ALDH4A1: variants seen among roughly 807,000 people sequenced by gnomAD.
The protein encoded by ALDH4A1 is delta-1-pyrroline-5-carboxylate dehydrogenase, mitochondrial.
A neutral mutation model predicts 70.5 loss-of-function variants in ALDH4A1; 46 were observed. That is an observed-to-expected ratio of 0.65 (90% CI 0.51 to 0.83). The LOEUF (loss-of-function observed/expected upper bound fraction) is 0.83. Among genes scored for constraint, ALDH4A1 ranks in the 40% least tolerant of loss-of-function variants. The pLI, the probability that ALDH4A1 is intolerant of heterozygous loss-of-function variation, is 0.00. For synonymous variants in ALDH4A1, 323 were observed against 324.3 expected (o/e 1.00, Z 0.04); for missense variants, 749 against 766.5 (o/e 0.98, Z 0.27).
chr1:18,886,463 C>T lies in ALDH4A1; in HGVS notation c.297+1G>A. 1 of 1,614,164 alleles carries T rather than the reference C, an allele frequency of 6.2e-7. No individual in the cohort carries two copies. The highest frequency in any genetic ancestry group is 1.7e-5 in the Admixed American group (1 of 60,026). On this transcript the variant is annotated splice_donor_variant, in intron 4 of 14. Transcript: ENST00000375341. LOFTEE classifies it high-confidence loss of function. ...GTCACCAGGCACACAGGCTCACTCACCTTGTCTGCATAACAGAACTTGGCC... is the reference window on the plus strand; with the variant it reads ...GTCACCAGGCACACAGGCTCACTCATCTTGTCTGCATAACAGAACTTGGCC...
Position 18,881,710 on chromosome 1 carries a change from C to T in ALDH4A1, c.856G>A (p.Gly286Ser). The T allele has an allele frequency of 3.1e-6, 5 of 1,614,106 alleles. No homozygotes were observed. Among genetic ancestry groups the T allele is most frequent in the Non-Finnish European group, 4.2e-6 (5 of 1,180,034 alleles). ...SEHLCGINFT[G>S]SVPTFKHLWK... ...TCCCCAGGGACTTACGGCACACTGC[C>T]TGTGAAGTTGATGCCACAGAGGTGC... The change falls in exon 8 of 15, where the codon GGC becomes AGC. Residue 286 changes from glycine (G) to serine (S), a missense_variant. Coordinates refer to ENST00000375341, the MANE Select transcript of ALDH4A1 (RefSeq NM_003748.4).
At chr1:18,894,163 C>G (rs1935536842) in intron 1 of ALDH4A1, among the ~76,000 whole-genome samples, 1 of 152,184 alleles carries the variant, frequency 6.6e-6, no homozygotes, top group Non-Finnish European at 1.5e-5. Context: ...TCCCAGATGC[C>G]CCCAAAAATC....
chr1:18,899,696 C>T (rs547441394), intron 1 of ALDH4A1, among the ~76,000 whole-genome samples: 1 of 152,292 alleles, frequency 6.6e-6, no homozygotes, highest in East Asian at 1.9e-4. Flanking sequence ...TCATAGGTTG[C>T]TGAGAGGCTG....
At position 18,883,405 on chromosome 1, in the gene ALDH4A1, C is replaced by A; in HGVS notation, c.477G>T (p.Glu159Asp). The change falls in exon 6 of 15, where the codon GAG (glutamate) becomes GAT (aspartate). Residue 159 changes from glutamate (E) to aspartate (D), a missense_variant. Transcript: ENST00000375341. ...CGATGAGTTCCGCTGCAGCGTCAAT[C>A]TCCGCTTGGATCACGGTCTTACCCT... ...VGQGKTVIQA[E>D]IDAAAELIDF... 1 of 1,613,470 alleles carries A rather than the reference C, an allele frequency of 6.2e-7. No individual in the cohort carries two copies.
At chr1:18,885,431 A>AACCCCCCCCCCCCCCCCCCCCCCCCC in intron 5 of ALDH4A1, 42 bp downstream of exon 5, 2 of 478,976 alleles carry the variant, frequency 4.2e-6, no homozygotes, top group Non-Finnish European at 3.5e-6. Context: ...CCTGACTCCC[A>AACCCCCCCCCCCCCCCCCCCCCCCCC]CCCCACCCCG....
At chr1:18,885,443 C>CCCCCCCCCCCCCGGG in intron 5 of ALDH4A1, 30 bp downstream of exon 5, 1 of 803,766 alleles carries the variant, frequency 1.2e-6, no homozygotes. Flanking sequence ...CCCACCCCGC[C>CCCCCCCCCCCCCGGG]CCACCCACCC....
At position 18,876,729 on chromosome 1, in the gene ALDH4A1, AAC is replaced by A. The variant is rs1187523186; in HGVS notation, c.1186-264_1186-263del. On this transcript the variant is annotated intron_variant, in intron 11 of 14. Coordinates refer to ENST00000375341, the MANE Select transcript of ALDH4A1 (RefSeq NM_003748.4). ...AGTACTACAGGTGCACTCGCATATA[AAC>A]ACAGACACACATCAATCAATGCATA... Among the ~76,000 whole-genome samples the A allele has an allele frequency of 2.8e-5, 4 of 145,074 alleles. No homozygotes were observed. The South Asian group carries it at 6.6e-4, about 24-fold the overall frequency.
chr1:18,897,057 G>A, intron 1 of ALDH4A1: 1 of 534,256 alleles, frequency 1.9e-6, no homozygotes, highest in Non-Finnish European at 3.8e-6. Flanking sequence ...AGCGTATGAG[G>A]AACGCATGAC....
chr1:18,892,970 G>A (rs939689784), intron 1 of ALDH4A1, among the ~76,000 whole-genome samples: 5 of 152,236 alleles, frequency 3.3e-5, no homozygotes, highest in Non-Finnish European at 7.3e-5. Flanking sequence ...CCATCTGGAA[G>A]CTTCTGACAG....
chr1:18,887,245 G>C (rs766448421), intron 3 of ALDH4A1, among the ~76,000 whole-genome samples: 1 of 152,256 alleles, frequency 6.6e-6, no homozygotes, highest in Non-Finnish European at 1.5e-5. Context: ...AGGAGCTCAG[G>C]CCATGAGAAC....
intron 1 of ALDH4A1, 114 bp downstream of exon 1, chr1:18,902,348 G>A (rs1935828087): frequency 2.2e-6 from 2 of 899,730 alleles, no homozygotes; most frequent in African/African-American, 1.8e-5. Flanking sequence ...CGTTGACCGA[G>A]GCAGCTTGGG....
chr1:18,877,721 G>T (rs1261916005), intron 9 of ALDH4A1, 109 bp from the exon 10 acceptor site: 1 of 1,351,150 alleles, frequency 7.4e-7, no homozygotes, highest in Non-Finnish European at 1.0e-6. Flanking sequence ...ACACGAGCAC[G>T]GAGCAGCCCA....
At chr1:18,879,690 C>T (rs896710530) in intron 8 of ALDH4A1, among the ~76,000 whole-genome samples, 5 of 152,172 alleles carry the variant, frequency 3.3e-5, no homozygotes, top group African/African-American at 7.2e-5. Flanking sequence ...CAATCCTGAC[C>T]TGGCAGGGTT....
At chr1:18,891,822 G>T (rs1032023804) in intron 1 of ALDH4A1, among the ~76,000 whole-genome samples, 3 of 152,148 alleles carry the variant, frequency 2.0e-5, no homozygotes, top group African/African-American at 7.2e-5. Context: ...GAGGTCAGGA[G>T]TGTGAGACCA....
chr1:18,885,693 A>T, intron 4 of ALDH4A1, 65 bp from the exon 5 acceptor site: 3 of 1,606,616 alleles, frequency 1.9e-6, no homozygotes, highest in Non-Finnish European at 2.5e-6. Flanking sequence ...GGAGTGAGCG[A>T]GGGAGGAGAG....
At position 18,902,469 on chromosome 1, in the gene ALDH4A1, C is replaced by G. The variant is rs1033354029; in HGVS notation, c.55G>C (p.Gly19Arg). The change falls in exon 1 of 15, where the codon GGG (glycine) becomes CGG (arginine). Residue 19 changes from glycine to arginine, a missense_variant. Gly to Arg is a moderately radical substitution (Grantham distance 125, BLOSUM62 -2). Coordinates refer to ENST00000375341, the MANE Select transcript of ALDH4A1 (RefSeq NM_003748.4). ...RRALLSRPWT[G>R]AGLRWKHTSS... The stretch of plus-strand genomic sequence containing the variant: ...GGCCCCGTGCTCACTCACCCGGCCC[C>G]GGTCCAGGGGCGGGACAGCAGGGCG... 2.1e-6 allele frequency: 3 copies of G among 1,404,832 alleles called. No homozygotes were observed. The highest frequency in any genetic ancestry group is 1.9e-6 in the Non-Finnish European group (2 of 1,078,838). The allele number at this position is 1,404,832 out of a possible 1,614,324, so 87.0% of individuals were successfully genotyped here.
At chr1:18,885,841 CCA>C (rs1322741176) in intron 4 of ALDH4A1, among the ~76,000 whole-genome samples, 1 of 152,214 alleles carries the variant, frequency 6.6e-6, no homozygotes, top group Non-Finnish European at 1.5e-5. Flanking sequence ...AAGGGCCCGG[CCA>C]GGTTGGTCAG....
At chr1:18,887,008 A>G (rs544571225) in intron 3 of ALDH4A1, among the ~76,000 whole-genome samples, 99 of 152,340 alleles carry the variant, frequency 6.5e-4, no homozygotes, top group African/African-American at 2.2e-3. Context: ...CAACAAAACC[A>G]GGTGAGGCCC....
intron 2 of ALDH4A1, among the ~76,000 whole-genome samples, chr1:18,889,655 G>C (rs911316826): frequency 6.6e-6 from 1 of 152,200 alleles, no homozygotes; most frequent in Non-Finnish European, 1.5e-5. Flanking sequence ...CACCCTGCAG[G>C]AAGGTGAGGT....
Sources: allele counts gnomAD v4.1 joint callset (sites outside exome capture counted in the v4.1 genomes callset), GRCh38; gene constraint gnomAD v4.1.1; transcripts MANE v1.5; gene names NCBI Gene and HGNC (gene_info 2026-07-23, HGNC 2026-07-21).